Variants in EBF1 observed in about 807,000 individuals in gnomAD.
EBF1 encodes EBF transcription factor 1.
A neutral mutation model predicts 68.4 loss-of-function variants in EBF1; 10 were observed. The ratio of observed to expected loss-of-function variants is 0.15; its 90% confidence interval spans 0.09 to 0.25. EBF1 has a LOEUF of 0.25. Ranked by LOEUF, EBF1 falls within the 10% of genes least tolerant of loss-of-function variation. The probability of loss-of-function intolerance (pLI) is 1.00; values close to 1 mark genes in which losing one functional copy is unlikely to be tolerated. For missense variants in EBF1, 509 were observed against 794.4 expected (o/e 0.64, Z 4.32); for synonymous variants, 298 against 299.8 (o/e 0.99, Z 0.06).
chr5:158,702,510 T>C (rs1430428938), intron 15 of EBF1, among the ~76,000 whole-genome samples: 1 of 151,950 alleles, frequency 6.6e-6, no homozygotes, highest in East Asian at 1.9e-4. Context: ...TTCATTACCG[T>C]TTCCATATTT....
chr5:158,795,859 C>A (rs546736339), intron 9 of EBF1, among the ~76,000 whole-genome samples: 28 of 152,278 alleles, frequency 1.8e-4, no homozygotes, highest in Admixed American at 1.0e-3. Context: ...GTTCTCCCAG[C>A]AAATCACTCT....
chr5:159,041,184 T>C (rs552193519), intron 6 of EBF1, among the ~76,000 whole-genome samples: 7 of 152,324 alleles, frequency 4.6e-5, no homozygotes, highest in South Asian at 2.1e-4. Context: ...AAACTAACAG[T>C]ATTTCTGAAA....
chr5:158,934,881 T>C (rs991485135), intron 6 of EBF1, among the ~76,000 whole-genome samples: 1 of 152,324 alleles, frequency 6.6e-6, no homozygotes, highest in Middle Eastern at 3.4e-3. Flanking sequence ...ATGATTGCAC[T>C]CATTGCAAGT....
chr5:158,771,525 A>G (rs1345142484), intron 10 of EBF1, among the ~76,000 whole-genome samples: 1 of 152,172 alleles, frequency 6.6e-6, no homozygotes, highest in Non-Finnish European at 1.5e-5. Flanking sequence ...TGTCAATGAT[A>G]GCACCTATTG....
At chr5:158,758,916 C>T (rs1435305398) in intron 10 of EBF1, among the ~76,000 whole-genome samples, 2 of 152,084 alleles carry the variant, frequency 1.3e-5, no homozygotes, top group Non-Finnish European at 2.9e-5. Flanking sequence ...TATTTATCAC[C>T]ACATTTCCTG....
chr5:158,935,683 A>T (rs1811860921), intron 6 of EBF1, among the ~76,000 whole-genome samples: 1 of 152,308 alleles, frequency 6.6e-6, no homozygotes, highest in East Asian at 1.9e-4. Flanking sequence ...CACAATTCCC[A>T]TCACTATAAT....
chr5:159,062,298 A>G (rs986892701), intron 6 of EBF1, among the ~76,000 whole-genome samples: 9 of 152,222 alleles, frequency 5.9e-5, no homozygotes, highest in Non-Finnish European at 1.3e-4. Context: ...CTCGCAGGTC[A>G]GAGAGACTAG....
At chr5:159,000,180 C>T (rs1164665412) in intron 6 of EBF1, among the ~76,000 whole-genome samples, 1 of 152,210 alleles carries the variant, frequency 6.6e-6, no homozygotes, top group African/African-American at 2.4e-5. Context: ...AGTACAGACA[C>T]ACACACACAC....
chr5:158,898,509 T>C (rs1489635574), intron 6 of EBF1, among the ~76,000 whole-genome samples: 1 of 152,266 alleles, frequency 6.6e-6, no homozygotes, highest in South Asian at 2.1e-4. Context: ...ATTTTTGCAA[T>C]GCAACTTTTA....
chr5:159,020,852 CAATT>C (rs1362550001), intron 6 of EBF1, among the ~76,000 whole-genome samples: 2 of 147,792 alleles, frequency 1.4e-5, no homozygotes, highest in Non-Finnish European at 3.0e-5. Flanking sequence ...TAAGTAATAA[CAATT>C]AATTAGCTAC....
At chr5:158,834,032 A>G (rs547865928) in intron 7 of EBF1, among the ~76,000 whole-genome samples, 1 of 152,332 alleles carries the variant, frequency 6.6e-6, no homozygotes, top group South Asian at 2.1e-4. Context: ...ATTTATAGCC[A>G]ATGGAAAAAC....
At chr5:158,739,212 G>A (rs1193092548) in intron 10 of EBF1, among the ~76,000 whole-genome samples, 1 of 152,198 alleles carries the variant, frequency 6.6e-6, no homozygotes, top group Non-Finnish European at 1.5e-5. Context: ...GTGGTGAGAA[G>A]TTACTGGCAG....
At chr5:158,876,919 A>G (rs1797925410) in intron 6 of EBF1, among the ~76,000 whole-genome samples, 1 of 152,182 alleles carries the variant, frequency 6.6e-6, no homozygotes, top group Non-Finnish European at 1.5e-5. Context: ...ACATTCGTGC[A>G]CTAACCTGGT....
chr5:159,019,832 C>T (rs1340464134), intron 6 of EBF1, among the ~76,000 whole-genome samples: 5 of 152,078 alleles, frequency 3.3e-5, no homozygotes, highest in Admixed American at 6.5e-5. Flanking sequence ...CGATTGTTCT[C>T]GGTGCATCTC....
intron 9 of EBF1, among the ~76,000 whole-genome samples, chr5:158,789,552 A>G (rs1778161589): frequency 6.6e-6 from 1 of 152,192 alleles, no homozygotes. Context: ...AATCTGGTAT[A>G]ACCAAAAGCT....
At chr5:159,093,142 T>C (rs759209385) in intron 4 of EBF1, among the ~76,000 whole-genome samples, 8 of 152,188 alleles carry the variant, frequency 5.3e-5, no homozygotes, top group Non-Finnish European at 1.2e-4. Flanking sequence ...CTATCTGCTT[T>C]TTGGAGGCCA....
intron 6 of EBF1, among the ~76,000 whole-genome samples, chr5:158,909,258 G>C (rs187690818): frequency 1.9e-4 from 29 of 152,332 alleles, no homozygotes; most frequent in South Asian, 1.9e-3. Context: ...AGGTTAGGAT[G>C]GTGGTGCTGG....
At chr5:158,761,499 C>T (rs1436243310) in intron 10 of EBF1, among the ~76,000 whole-genome samples, 2 of 152,216 alleles carry the variant, frequency 1.3e-5, no homozygotes, top group Admixed American at 6.5e-5. Flanking sequence ...ATAATCATTA[C>T]AGTGCAGCCA....
At chr5:158,939,664 T>A (rs142226469) in intron 6 of EBF1, among the ~76,000 whole-genome samples, 1 of 151,678 alleles carries the variant, frequency 6.6e-6, no homozygotes, top group African/African-American at 2.4e-5. Context: ...TGCACTACAA[T>A]TGTAGGAAAA....
Sources: allele counts gnomAD v4.1 joint callset (sites outside exome capture counted in the v4.1 genomes callset), GRCh38; gene constraint gnomAD v4.1.1; transcripts MANE v1.5; gene names NCBI Gene and HGNC (gene_info 2026-07-23, HGNC 2026-07-21).